Variants in MAGI2 observed in about 807,000 individuals in gnomAD.
MAGI2 encodes membrane associated guanylate kinase, WW and PDZ domain containing 2.
Under a neutral mutation model 133.3 loss-of-function variants are expected in MAGI2, and 35 were observed. The ratio of observed to expected loss-of-function variants is 0.26; its 90% CI spans 0.20 to 0.35. The LOEUF is 0.35. MAGI2 is among the 10% of genes least tolerant of loss of function. The pLI is 1.00. For missense variants in MAGI2, 1,636 were observed against 1,863.4 expected (o/e 0.88, Z 2.25); for synonymous variants, 729 against 710.6 (o/e 1.03, Z -0.41).
chr7:78,950,006 C>T (rs1408257890), intron 2 of MAGI2, among the ~76,000 whole-genome samples: 1 of 152,144 alleles, frequency 6.6e-6, no homozygotes. Flanking sequence ...AACAGTCCTG[C>T]CAAACTTTCC....
intron 2 of MAGI2, among the ~76,000 whole-genome samples, chr7:78,816,343 T>C (rs1789589687): frequency 6.6e-6 from 1 of 152,242 alleles, no homozygotes; most frequent in African/African-American, 2.4e-5. Context: ...AGTGCCGATG[T>C]AAAGCTGTAG....
At chr7:78,026,002 T>C (rs1808875089) in intron 21 of MAGI2, 1 of 152,592 alleles carries the variant, frequency 6.6e-6, no homozygotes, top group African/African-American at 2.4e-5. Context: ...AGATAGACTC[T>C]AAATATCTTA....
chr7:78,697,503 A>T (rs984899416), intron 2 of MAGI2, among the ~76,000 whole-genome samples: 2 of 152,208 alleles, frequency 1.3e-5, no homozygotes, highest in African/African-American at 4.8e-5. Flanking sequence ...TCTCATCTTT[A>T]CAATGGATAT....
chr7:78,941,313 A>C lies in MAGI2; in HGVS notation c.418+65777T>G, dbSNP rs79841433. ...CTAACAAGATCTTTTGCAACAAGAC[A>C]CCTGCTCAACACATACAAGGTAATT... On this transcript the variant is annotated intron_variant, in intron 2 of 21. Transcript: ENST00000354212. 2.4e-4 allele frequency among the ~76,000 whole-genome samples: 37 copies of C among 152,216 alleles called. No individual in the cohort carries two copies. The East Asian group carries it at 6.2e-3, about 26-fold the overall frequency.
chr7:79,127,999 G>C (rs1204324058), intron 1 of MAGI2, among the ~76,000 whole-genome samples: 1 of 152,150 alleles, frequency 6.6e-6, no homozygotes, highest in African/African-American at 2.4e-5. Flanking sequence ...AAGGGATCCA[G>C]TTTCAGCTTT....
chr7:78,605,868 C>T (rs1805755475), intron 3 of MAGI2, among the ~76,000 whole-genome samples: 1 of 152,142 alleles, frequency 6.6e-6, no homozygotes, highest in Non-Finnish European at 1.5e-5. Context: ...ACGGGAGGTA[C>T]TCGAGCAGAA....
rs551812433 is a variant in MAGI2, at chr7:78,496,909, G to A, written c.965+4668C>T. Among the ~76,000 whole-genome samples, 13 of 152,234 alleles carry A rather than the reference G, an allele frequency of 8.5e-5. No homozygotes were observed. In the South Asian group the frequency reaches 2.5e-3, roughly 29 times the overall value. On this transcript the variant is annotated intron_variant, in intron 5 of 21. Transcript: ENST00000354212. ...CATAATACATGACCAATAAACCTCT[G>A]TTGAATAAACAGAATCAAAGAGCCC...
At chr7:78,665,406 T>C (rs1473001282) in intron 2 of MAGI2, among the ~76,000 whole-genome samples, 1 of 152,028 alleles carries the variant, frequency 6.6e-6, no homozygotes, top group African/African-American at 2.4e-5. Context: ...AGAGCAGAAA[T>C]AGAAGGTAGG....
At chr7:78,727,874 A>T (rs1218468968) in intron 2 of MAGI2, among the ~76,000 whole-genome samples, 3 of 152,200 alleles carry the variant, frequency 2.0e-5, no homozygotes, top group African/African-American at 7.2e-5. Context: ...TACAGCTGAG[A>T]ACAAAACCAA....
At chr7:79,376,004 A>T (rs848924) in intron 1 of MAGI2, among the ~76,000 whole-genome samples, 53,697 of 151,610 alleles carry the variant, frequency 0.35, 10,751 homozygotes, top group African/African-American at 0.55. Context: ...ATATAGGTTA[A>T]CATGATTAGT....
chr7:78,411,512 G>A (rs1291248583), intron 6 of MAGI2, among the ~76,000 whole-genome samples: 1 of 151,878 alleles, frequency 6.6e-6, no homozygotes, highest in Non-Finnish European at 1.5e-5. Flanking sequence ...ACTAATACTG[G>A]CAGACTGACC....
chr7:78,985,785 A>G lies in MAGI2; in HGVS notation c.418+21305T>C, dbSNP rs58083026. ...TTTATCCTTGTGACCCAAATAAAAT[A>G]TTCATCTTTTAAGTCATGGCAGAAT... On this transcript the variant is annotated intron_variant, in intron 2 of 21. Transcript: ENST00000354212. 6.9e-3 allele frequency among the ~76,000 whole-genome samples: 1,045 copies of G among 152,206 alleles called. 6 individuals carry two copies. Among genetic ancestry groups the G allele is most frequent in the African/African-American group, 0.024 (977 of 41,538 alleles).
chr7:78,842,789 T>C (rs1275812089), intron 2 of MAGI2, among the ~76,000 whole-genome samples: 1 of 151,880 alleles, frequency 6.6e-6, no homozygotes, highest in Non-Finnish European at 1.5e-5. Flanking sequence ...TTAAACAATA[T>C]TGAGTATCAA....
chr7:79,334,230 C>T (rs1302976628), intron 1 of MAGI2, among the ~76,000 whole-genome samples: 1 of 152,108 alleles, frequency 6.6e-6, no homozygotes, highest in African/African-American at 2.4e-5. Flanking sequence ...ATACTACCAG[C>T]CTCACTGGGG....
At chr7:78,741,956 A>G (rs571528162) in intron 2 of MAGI2, among the ~76,000 whole-genome samples, 95 of 152,002 alleles carry the variant, frequency 6.2e-4, no homozygotes, top group African/African-American at 2.0e-3. Flanking sequence ...TTATCCTAAT[A>G]ATCCTGATTA....
chr7:78,399,887 A>T (rs572157543), intron 6 of MAGI2, among the ~76,000 whole-genome samples: 11 of 151,154 alleles, frequency 7.3e-5, no homozygotes, highest in Middle Eastern at 3.4e-3. Flanking sequence ...ATCACTGTTG[A>T]TCAGTGAAGC....
At chr7:78,271,397 A>G (rs527586445) in intron 9 of MAGI2, among the ~76,000 whole-genome samples, 2 of 152,174 alleles carry the variant, frequency 1.3e-5, no homozygotes, top group East Asian at 3.9e-4. Flanking sequence ...TTCACCAGGG[A>G]TATTGGCCTG....
At chr7:78,218,672 A>G (rs1788504649) in intron 10 of MAGI2, among the ~76,000 whole-genome samples, 1 of 152,130 alleles carries the variant, frequency 6.6e-6, no homozygotes, top group Non-Finnish European at 1.5e-5. Flanking sequence ...AGTATGAGCC[A>G]CCTCTGTCAC....
chr7:78,660,002 C>G (rs919585082), intron 2 of MAGI2, among the ~76,000 whole-genome samples: 6 of 152,058 alleles, frequency 3.9e-5, no homozygotes, highest in Admixed American at 2.0e-4. Context: ...AACCATCATT[C>G]TCAGCAAACT....
Sources: allele counts gnomAD v4.1 joint callset (sites outside exome capture counted in the v4.1 genomes callset), GRCh38; gene constraint gnomAD v4.1.1; transcripts MANE v1.5; gene names NCBI Gene and HGNC (gene_info 2026-07-23, HGNC 2026-07-21).